The following NT5C2 variants were observed in gnomAD, a reference collection of about 807,000 sequenced individuals.
NT5C2 encodes the protein 5'-nucleotidase, cytosolic II, also known as cytosolic purine 5'-nucleotidase.
NT5C2 carries 58 observed loss-of-function variants against 76.1 expected under a neutral mutation model. That is an observed-to-expected ratio of 0.76 (90% confidence interval 0.62 to 0.95). The LOEUF (loss-of-function observed/expected upper bound fraction) is 0.95. Ranked by LOEUF, NT5C2 falls within the 40% of genes least tolerant of loss-of-function variation. The pLI is 0.00. For missense variants in NT5C2, 478 were observed against 690.3 expected, an observed-to-expected ratio of 0.69 and a Z score of 3.45; for synonymous variants, 229 against 237.4, an observed-to-expected ratio of 0.96 and a Z score of 0.32.
In NT5C2 at chr10:103,188,762, G is replaced by A. The variant is rs2092341534; in HGVS notation, c.-169+4474C>T. Among the ~76,000 whole-genome samples, 3 of 152,198 alleles carry A rather than the reference G, an allele frequency of 2.0e-5. No homozygotes were observed. In the South Asian group the frequency reaches 6.2e-4, roughly 32 times the overall value. ...TATGCCTATAATCCCAGCACTTCGGGAGGCTGAGGTGGGCAGGTCACCTGA... is the reference window on the plus strand; with the variant it reads ...TATGCCTATAATCCCAGCACTTCGGAAGGCTGAGGTGGGCAGGTCACCTGA... On this transcript the variant is annotated intron_variant, in intron 1 of 18. Transcript: ENST00000404739.
At chr10:103,188,285 G>A (rs2092287737) in intron 1 of NT5C2, among the ~76,000 whole-genome samples, 2 of 152,160 alleles carry the variant, frequency 1.3e-5, no homozygotes, top group Non-Finnish European at 1.5e-5. Context: ...TTGAACCCAG[G>A]AGGTGGAAGT....
At chr10:103,115,396 C>T (rs950283725) in intron 4 of NT5C2, among the ~76,000 whole-genome samples, 3 of 151,870 alleles carry the variant, frequency 2.0e-5, no homozygotes, top group African/African-American at 4.8e-5. Flanking sequence ...AGCAAGACTC[C>T]GTCTCCAGAA....
intron 11 of NT5C2, among the ~76,000 whole-genome samples, chr10:103,096,301 C>T (rs1477419919): frequency 1.3e-5 from 2 of 152,164 alleles, no homozygotes; most frequent in African/African-American, 2.4e-5. Flanking sequence ...ACAGAAATAA[C>T]CTATCACCTT....
At chr10:103,106,493 GT>G (rs1355309370) in intron 5 of NT5C2, 95 bp downstream of exon 5, 16 of 774,224 alleles carry the variant, frequency 2.1e-5, no homozygotes, top group South Asian at 6.4e-5. Flanking sequence ...GTTTTGGGGG[GT>G]TTTTTTGTTA....
At chr10:103,114,136 C>T (rs1324932648) in intron 4 of NT5C2, among the ~76,000 whole-genome samples, 1 of 152,182 alleles carries the variant, frequency 6.6e-6, no homozygotes, top group Admixed American at 6.5e-5. Flanking sequence ...CCCAATTAGG[C>T]CGGCTTGGTG....
At chr10:103,191,600 ATCT>A (rs1242992031) in intron 1 of NT5C2, among the ~76,000 whole-genome samples, 5 of 152,174 alleles carry the variant, frequency 3.3e-5, no homozygotes, top group African/African-American at 9.7e-5. Context: ...ATCTATATAA[ATCT>A]TCTTACAATT....
chr10:103,089,552 G>C lies in NT5C2; in HGVS notation c.*120C>G, dbSNP rs935414231. 3 of 1,419,002 alleles carry C rather than the reference G, an allele frequency of 2.1e-6. No homozygotes were observed. Among genetic ancestry groups the C allele is most frequent in the Admixed American group, 6.3e-5 (2 of 31,584 alleles). The allele number at this position is 1,419,002 out of a possible 1,614,324, so 87.9% of individuals were successfully genotyped here. A position where few individuals can be genotyped will look rare whatever the true frequency, so the allele number is the denominator to read the frequency against. ...TAATAAAATCTTCAGAAACTTTTCA[G>C]ACGTACCTTTCATGGAGCCCCCTCC... On this transcript the variant is annotated 3_prime_UTR_variant, in exon 19 of 19. Coordinates refer to ENST00000404739, the MANE Select transcript of NT5C2 (RefSeq NM_001351169.2).
At chr10:103,148,137 T>A (rs1236719814) in intron 3 of NT5C2, among the ~76,000 whole-genome samples, 1 of 152,172 alleles carries the variant, frequency 6.6e-6, no homozygotes, top group Non-Finnish European at 1.5e-5. Context: ...TCAAATACCA[T>A]GGACATACAG....
intron 13 of NT5C2, 107 bp downstream of exon 13, chr10:103,094,241 G>A: frequency 2.5e-6 from 2 of 789,990 alleles, no homozygotes; most frequent in Non-Finnish European, 4.2e-6. Flanking sequence ...GAGAGATACG[G>A]CTAATTAAAA....
At chr10:103,100,654 T>G in intron 8 of NT5C2, 1 of 471,166 alleles carries the variant, frequency 2.1e-6, no homozygotes, top group Non-Finnish European at 4.2e-6. Flanking sequence ...GGGAATGAAA[T>G]TAAATTACCA....
intron 18 of NT5C2, chr10:103,090,270 T>C (rs192877437): frequency 9.4e-5 from 32 of 341,914 alleles, no homozygotes; most frequent in African/African-American, 6.5e-4. Context: ...CAGGCTGGAG[T>C]ACAGTGGAGC....
At chr10:103,159,663 AAAG>A (rs1446089771) in intron 3 of NT5C2, among the ~76,000 whole-genome samples, 1 of 151,816 alleles carries the variant, frequency 6.6e-6, no homozygotes, top group East Asian at 1.9e-4. Flanking sequence ...AAAAAAAAAA[AAAG>A]AAAGAAAAGA....
At position 103,088,897 on chromosome 10, in the gene NT5C2, A is replaced by T; in HGVS notation, c.*775T>A. 1 of 211,042 alleles carries T rather than the reference A, an allele frequency of 4.7e-6. No homozygotes were observed. The highest frequency in any genetic ancestry group is 9.6e-6 in the Non-Finnish European group (1 of 104,082). 13.1% of individuals were successfully genotyped at this position (211,042 alleles called of 1,614,324 possible). A position where few individuals can be genotyped will look rare whatever the true frequency, so the allele number is the denominator to read the frequency against. ...TGCATGTTCTGTAGTATAAGAAGGC[A>T]GTTCTTCCCTTTCTTTTCTGGGGGC... On this transcript the variant is annotated 3_prime_UTR_variant, in exon 19 of 19. Transcript: ENST00000404739.
intron 4 of NT5C2, among the ~76,000 whole-genome samples, chr10:103,121,414 G>C (rs1417753788): frequency 6.6e-6 from 1 of 152,122 alleles, no homozygotes; most frequent in East Asian, 1.9e-4. Context: ...TCCAATGCCA[G>C]TAAGTTTGGT....
intron 3 of NT5C2, chr10:103,153,796 T>C: frequency 1.0e-6 from 1 of 971,684 alleles, no homozygotes; most frequent in Admixed American, 6.1e-5. Flanking sequence ...TAATTATTAG[T>C]GTAGTTATTT....
At chr10:103,169,987 T>C (rs923943511) in intron 3 of NT5C2, among the ~76,000 whole-genome samples, 1 of 152,142 alleles carries the variant, frequency 6.6e-6, no homozygotes, top group Non-Finnish European at 1.5e-5. Flanking sequence ...TTGGGCATGG[T>C]GGCGCATGCC....
intron 6 of NT5C2, among the ~76,000 whole-genome samples, chr10:103,104,056 T>C (rs1476099538): frequency 6.6e-6 from 1 of 152,174 alleles, no homozygotes; most frequent in African/African-American, 2.4e-5. Flanking sequence ...TTCACTTTAT[T>C]GTCCAGGCTG....
At chr10:103,189,234 GA>G (rs1481615336) in intron 1 of NT5C2, among the ~76,000 whole-genome samples, 1 of 152,110 alleles carries the variant, frequency 6.6e-6, no homozygotes, top group Non-Finnish European at 1.5e-5. Context: ...AAAATACTGT[GA>G]AATATTTCAA....
chr10:103,161,478 G>C lies in NT5C2; in HGVS notation c.101+13380C>G, dbSNP rs551848819. ...ATTACAGGCATCAGCCACTGTGCCT[G>C]ACCAATAGAATATTATTTGGCAATA... On this transcript the variant is annotated intron_variant, in intron 3 of 18. Coordinates refer to ENST00000404739, the MANE Select transcript of NT5C2 (RefSeq NM_001351169.2). Among the ~76,000 whole-genome samples the C allele has an allele frequency of 2.6e-5, 4 of 152,290 alleles. No individual in the cohort carries two copies. In the South Asian group the frequency reaches 8.3e-4, roughly 32 times the overall value.
Sources: allele counts gnomAD v4.1 joint callset (sites outside exome capture counted in the v4.1 genomes callset), GRCh38; gene constraint gnomAD v4.1.1; transcripts MANE v1.5; gene names NCBI Gene and HGNC (gene_info 2026-07-23, HGNC 2026-07-21).